ATRNL1: variants seen among roughly 807,000 people sequenced by gnomAD.
ATRNL1 encodes the protein attractin like 1.
A neutral mutation model predicts 182.7 loss-of-function variants in ATRNL1; 95 were observed. The ratio of observed to expected loss-of-function variants is 0.52; its 90% CI spans 0.44 to 0.62. The LOEUF is 0.62. ATRNL1 is among the 20% of genes least tolerant of loss of function. The probability of loss-of-function intolerance (pLI) is 0.00; values close to 1 mark genes in which losing one functional copy is unlikely to be tolerated. For synonymous variants in ATRNL1, 576 were observed against 568.3 expected (o/e 1.01, Z -0.19); for missense variants, 1,471 against 1,679.5 (o/e 0.88, Z 2.17).
chr10:115,937,428 G>GT lies in ATRNL1; in HGVS notation c.4019-7225dup, dbSNP rs374780058. On this transcript the variant is annotated intron_variant, in intron 28 of 28. Transcript: ENST00000355044. ...CATTCCAGTGTCTTCGGCACTTGAA[G>GT]TTTTTCCATTTTTGTTCAACAATGT... Among the ~76,000 whole-genome samples, 761 of 152,280 alleles carry GT rather than the reference G, an allele frequency of 5.0e-3. 9 individuals carry two copies. The highest frequency in any genetic ancestry group is 0.017 in the African/African-American group (718 of 41,556).
At chr10:115,769,387 TTAAAA>T (rs1555075795) in intron 27 of ATRNL1, among the ~76,000 whole-genome samples, 1 of 152,182 alleles carries the variant, frequency 6.6e-6, no homozygotes, top group African/African-American at 2.4e-5. Flanking sequence ...GGGCTCAGAA[TTAAAA>T]TGAAAGTGCT....
chr10:115,652,232 TTA>T (rs1302646944), intron 26 of ATRNL1, among the ~76,000 whole-genome samples: 5 of 145,052 alleles, frequency 3.4e-5, no homozygotes, highest in Admixed American at 3.4e-4. Flanking sequence ...GTTGTTGTTG[TTA>T]TTTTTTTTTT....
chr10:115,535,667 G>C (rs1349965244), intron 25 of ATRNL1, among the ~76,000 whole-genome samples: 10 of 152,182 alleles, frequency 6.6e-5, no homozygotes, highest in Admixed American at 6.5e-4. Flanking sequence ...GCGTTCGTTT[G>C]GAGGAGGGGA....
intron 24 of ATRNL1, among the ~76,000 whole-genome samples, chr10:115,484,041 A>C (rs1343841806): frequency 2.6e-5 from 4 of 151,620 alleles, no homozygotes; most frequent in Non-Finnish European, 5.9e-5. Flanking sequence ...TCTCAAAAGC[A>C]GAGTGCCTTA....
intron 26 of ATRNL1, among the ~76,000 whole-genome samples, chr10:115,698,721 T>G (rs935017161): frequency 1.3e-5 from 2 of 151,366 alleles, no homozygotes; most frequent in Admixed American, 1.3e-4. Context: ...GAGGTTGCAG[T>G]GAGCTGAGAT....
At chr10:115,426,691 T>A (rs758553248) in intron 21 of ATRNL1, among the ~76,000 whole-genome samples, 1 of 152,146 alleles carries the variant, frequency 6.6e-6, no homozygotes, top group Non-Finnish European at 1.5e-5. Context: ...GATGCTTTCA[T>A]TGGGTACTGA....
intron 26 of ATRNL1, among the ~76,000 whole-genome samples, chr10:115,619,563 C>G (rs1857612657): frequency 6.6e-6 from 1 of 152,188 alleles, no homozygotes; most frequent in South Asian, 2.1e-4. Flanking sequence ...CAGTCTGATC[C>G]TGAGGCCCCT....
At chr10:115,187,697 T>TC (rs1848000303) in intron 8 of ATRNL1, among the ~76,000 whole-genome samples, 1 of 149,366 alleles carries the variant, frequency 6.7e-6, no homozygotes, top group Non-Finnish European at 1.5e-5. Context: ...TTTTCTTTTT[T>TC]CTTTTTTTTT....
chr10:115,760,699 A>G (rs1948713757), intron 27 of ATRNL1, among the ~76,000 whole-genome samples: 1 of 152,210 alleles, frequency 6.6e-6, no homozygotes, highest in African/African-American at 2.4e-5. Flanking sequence ...TCCTATGTAT[A>G]TACTGGATTT....
intron 28 of ATRNL1, among the ~76,000 whole-genome samples, chr10:115,936,637 G>A (rs782416990): frequency 2.0e-5 from 3 of 152,112 alleles, no homozygotes; most frequent in Non-Finnish European, 2.9e-5. Context: ...AAGGCAGTCA[G>A]TGACATTTTT....
intron 27 of ATRNL1, among the ~76,000 whole-genome samples, chr10:115,735,222 TA>T (rs2134081774): frequency 6.6e-6 from 1 of 152,350 alleles, no homozygotes; most frequent in South Asian, 2.1e-4. Context: ...CTTTTGATAA[TA>T]AACTCTCTTA....
chr10:115,418,059 AAC>A (rs1235777136), intron 20 of ATRNL1, among the ~76,000 whole-genome samples: 1 of 152,174 alleles, frequency 6.6e-6, no homozygotes, highest in Non-Finnish European at 1.5e-5. Context: ...GATCTCACCA[AAC>A]AGACAAAATA....
chr10:115,895,662 A>G (rs1952188244), intron 28 of ATRNL1, among the ~76,000 whole-genome samples: 1 of 152,218 alleles, frequency 6.6e-6, no homozygotes, highest in Non-Finnish European at 1.5e-5. Flanking sequence ...AAAAGCGAGT[A>G]AGACTCGGAC....
intron 15 of ATRNL1, among the ~76,000 whole-genome samples, chr10:115,287,753 A>G (rs1852689653): frequency 6.6e-6 from 1 of 152,080 alleles, no homozygotes; most frequent in South Asian, 2.1e-4. Context: ...TATGTGATAT[A>G]TTATTGTTAA....
At chr10:115,387,048 A>G (rs1350832142) in intron 19 of ATRNL1, among the ~76,000 whole-genome samples, 3 of 151,910 alleles carry the variant, frequency 2.0e-5, no homozygotes, top group Non-Finnish European at 4.4e-5. Flanking sequence ...CTGGATTAAG[A>G]AAATGTGGCA....
chr10:115,944,552 G>A (rs1953828169), intron 28 of ATRNL1, 106 bp from the exon 29 acceptor site: 2 of 943,752 alleles, frequency 2.1e-6, no homozygotes, highest in Non-Finnish European at 1.5e-6. Context: ...AGCCAAACGT[G>A]TGATGACTAA....
chr10:115,344,851 G>A (rs912327640), intron 19 of ATRNL1, among the ~76,000 whole-genome samples: 2 of 152,184 alleles, frequency 1.3e-5, no homozygotes, highest in African/African-American at 4.8e-5. Context: ...ACCAGGTGAT[G>A]AATGCTTCCA....
At chr10:115,736,415 A>G (rs1947952708) in intron 27 of ATRNL1, among the ~76,000 whole-genome samples, 1 of 151,940 alleles carries the variant, frequency 6.6e-6, no homozygotes, top group South Asian at 2.1e-4. Context: ...TTTAAATCTG[A>G]CAGTTTTTGA....
intron 19 of ATRNL1, among the ~76,000 whole-genome samples, chr10:115,350,909 ATATTTTCT>A (rs1554941110): frequency 6.6e-6 from 1 of 152,048 alleles, no homozygotes. Context: ...AACATGATAT[ATATTTTCT>A]TTTTTGTGTC....
Sources: gnomAD v4.1 joint callset for allele counts (sites outside exome capture counted in the v4.1 genomes callset) on GRCh38, gnomAD v4.1.1 for gene constraint, MANE v1.5 for transcripts, NCBI Gene and HGNC (gene_info 2026-07-23, HGNC 2026-07-21) for gene names.